Variants in TLE3 observed in about 807,000 individuals in gnomAD.
TLE3 encodes the protein transducin-like enhancer protein 3.
TLE3 carries 14 observed loss-of-function variants against 93.0 expected under a neutral mutation model. The ratio of observed to expected loss-of-function variants is 0.15; its 90% CI spans 0.10 to 0.24. The LOEUF (loss-of-function observed/expected upper bound fraction) is 0.24, where lower values mean the gene tolerates loss of function less well. Among genes scored for constraint, TLE3 ranks in the 10% least tolerant of loss-of-function variants. The pLI, the probability that TLE3 is intolerant of heterozygous loss-of-function variation, is 1.00. For missense variants in TLE3, 693 were observed against 1,046.6 expected (o/e 0.66, Z 4.66); for synonymous variants, 451 against 425.0 (o/e 1.06, Z -0.75).
At chr15:70,053,065 G>A in intron 17 of TLE3, 162 bp downstream of exon 17, 2 of 857,814 alleles carry the variant, frequency 2.3e-6, no homozygotes, top group Non-Finnish European at 3.5e-6. Context: ...CTGTTTCACT[G>A]CTGCTTCCTC....
At chr15:70,062,388 AG>A (rs1212217824) in intron 8 of TLE3, among the ~76,000 whole-genome samples, 1 of 151,898 alleles carries the variant, frequency 6.6e-6, no homozygotes, top group African/African-American at 2.4e-5. Context: ...CGGGCAGGGG[AG>A]GGGGCGTGCG....
rs747484342 is a variant in TLE3 at position 70,066,201 on chromosome 15, C to T, written c.390G>A (p.Ala130=). The T allele has an allele frequency of 3.9e-6, 6 of 1,534,858 alleles. No homozygotes were observed. The highest frequency in any genetic ancestry group is 2.3e-5 in the East Asian group (1 of 43,228). ...CGTGTGTGGCATGGGAGAGGTGCTG[C>T]GCCTGGAGCTGCTGCTGCTGCAATG... ...NAIIGQQQLQ[A]QHLSHATHGP... Residue 130 remains alanine, a synonymous_variant, in exon 7 of 20, where the codon GCG becomes GCA. Transcript: ENST00000451782.
intron 8 of TLE3, among the ~76,000 whole-genome samples, chr15:70,063,932 T>C (rs1005237252): frequency 2.6e-5 from 4 of 152,136 alleles, no homozygotes; most frequent in African/African-American, 7.2e-5. Context: ...GGAGGCATCC[T>C]AGCAGGGGGG....
intron 6 of TLE3, among the ~76,000 whole-genome samples, chr15:70,071,374 G>C (rs2057148910): frequency 6.6e-6 from 1 of 152,146 alleles, no homozygotes; most frequent in Non-Finnish European, 1.5e-5. Flanking sequence ...GAGTGGGTAG[G>C]CTTGGCTTGA....
chr15:70,097,115 C>G lies in TLE3; in HGVS notation c.-317G>C, dbSNP rs1174962640. The G allele has an allele frequency of 2.2e-6, 1 of 447,246 alleles. No homozygotes were observed. Among genetic ancestry groups the G allele is most frequent in the African/African-American group, 2.1e-5 (1 of 48,442 alleles). 27.7% of individuals were successfully genotyped at this position (447,246 alleles called of 1,614,324 possible). ...TGGGCTGCGTCGAGCGCGTCAATGCCTGGGACTGCGCGGACATCGTCGGCT... is the reference window on the plus strand; with the variant it reads ...TGGGCTGCGTCGAGCGCGTCAATGCGTGGGACTGCGCGGACATCGTCGGCT... On this transcript the variant is annotated 5_prime_UTR_variant, in exon 1 of 20. Transcript: ENST00000451782.
At chr15:70,094,784 T>G (rs927480973) in intron 3 of TLE3, 4 of 557,344 alleles carry the variant, frequency 7.2e-6, no homozygotes, top group African/African-American at 5.7e-5. Context: ...GAACGTTATA[T>G]TATGTGGTAG....
chr15:70,086,720 T>C (rs547218925), intron 4 of TLE3, among the ~76,000 whole-genome samples: 3 of 152,290 alleles, frequency 2.0e-5, no homozygotes, highest in East Asian at 1.9e-4. Flanking sequence ...AAAAGGCTCA[T>C]GAGATAAGGC....
In TLE3 at chr15:70,057,506, C is replaced by T. The variant is rs765743640; in HGVS notation, c.1204G>A (p.Ala402Thr). ...IPPQMSAAAA[A>T]AAAAYGRSPM... ...GATCGGCCATAGGCAGCGGCTGCAG[C>T]AGCGGCGGCGGCGCTCATCTGGGGT... Residue 402 changes from alanine to threonine, a missense_variant, in exon 13 of 20, where the codon GCT (alanine) becomes ACT (threonine). Physicochemically the swap from Ala to Thr is moderately conservative, Grantham distance 58. Around this residue, in one of 4 missense-constraint regions of TLE3, gnomAD observed 405 missense variants for 468.9 expected, o/e 0.86. Transcript: ENST00000451782. 3 of 1,608,496 alleles carry T rather than the reference C, an allele frequency of 1.9e-6. No homozygotes were observed. Among genetic ancestry groups the T allele is most frequent in the East Asian group, 2.2e-5 (1 of 44,646 alleles).
At chr15:70,059,716 C>G (rs1490486411) in intron 9 of TLE3, among the ~76,000 whole-genome samples, 1 of 152,240 alleles carries the variant, frequency 6.6e-6, no homozygotes, top group Non-Finnish European at 1.5e-5. Flanking sequence ...CACTGACACC[C>G]GCTCCATCAT....
intron 4 of TLE3, among the ~76,000 whole-genome samples, chr15:70,080,709 G>A (rs1170142737): frequency 6.6e-6 from 1 of 152,102 alleles, no homozygotes. Context: ...GTAAACCGAG[G>A]GTACTTGAGC....
At position 70,049,957 on chromosome 15, in the gene TLE3, A is replaced by G; in HGVS notation, c.*140T>C. On this transcript the variant is annotated 3_prime_UTR_variant, in exon 20 of 20. Coordinates refer to ENST00000451782, the MANE Select transcript of TLE3 (RefSeq NM_001105192.3). The stretch of plus-strand genomic sequence containing the variant: ...ACTGTGACGGGGCACGTGCCCTCTC[A>G]GCCGGCCGGAGCGCAGCCCTGAACG... 1.5e-6 allele frequency: 1 copy of G among 663,956 alleles called. No individual in the cohort carries two copies. The highest frequency in any genetic ancestry group is 2.6e-5 in the East Asian group (1 of 38,358). The allele number at this position is 663,956 out of a possible 1,614,324, so 41.1% of individuals were successfully genotyped here. A position where few individuals can be genotyped will look rare whatever the true frequency, so the allele number is the denominator to read the frequency against.
At position 70,057,507 on chromosome 15, in the gene TLE3, A is replaced by G. The variant is rs368976028; in HGVS notation, c.1203T>C (p.Ala401=). The G allele has an allele frequency of 9.6e-5, 155 of 1,608,546 alleles. No homozygotes were observed. The highest frequency in any genetic ancestry group is 6.9e-4 in the South Asian group (62 of 90,052). The change falls in exon 13 of 20, where the codon GCT becomes GCC. Residue 401 remains alanine, a synonymous_variant. Transcript: ENST00000451782. ...ATCGGCCATAGGCAGCGGCTGCAGCAGCGGCGGCGGCGCTCATCTGGGGTG... is the reference window on the plus strand; with the variant it reads ...ATCGGCCATAGGCAGCGGCTGCAGCGGCGGCGGCGGCGCTCATCTGGGGTG... The part of the protein sequence containing the change: ...NIPPQMSAAA[A]AAAAAYGRSP...
At chr15:70,065,973 A>ACCCCGGCCCCCCCCCCC in intron 7 of TLE3, 41 bp downstream of exon 7, 1 of 806,252 alleles carries the variant, frequency 1.2e-6, no homozygotes, top group Non-Finnish European at 2.1e-6. Context: ...GCCCATGCCC[A>ACCCCGGCCCCCCCCCCC]CCCCTGCCCC....
At chr15:70,085,282 A>C (rs2057991136) in intron 4 of TLE3, among the ~76,000 whole-genome samples, 2 of 152,252 alleles carry the variant, frequency 1.3e-5, no homozygotes, top group African/African-American at 4.8e-5. Context: ...CTCCAAAGCC[A>C]ACCTCTTAGC....
At chr15:70,077,515 T>G (rs946765230) in intron 4 of TLE3, among the ~76,000 whole-genome samples, 1 of 152,160 alleles carries the variant, frequency 6.6e-6, no homozygotes, top group African/African-American at 2.4e-5. Flanking sequence ...ACCCTGGACC[T>G]CGGGAGAATT....
intron 4 of TLE3, chr15:70,079,345 C>T: frequency 2.0e-6 from 1 of 499,456 alleles, no homozygotes; most frequent in Non-Finnish European, 4.1e-6. Flanking sequence ...TGGCACGTCA[C>T]CAGACAGGAC....
At chr15:70,059,571 A>G in intron 9 of TLE3, 111 bp from the exon 10 acceptor site, 1 of 1,018,648 alleles carries the variant, frequency 9.8e-7, no homozygotes, top group Non-Finnish European at 1.5e-6. Context: ...AGCCAGGCCA[A>G]ACCCCAAAGT....
intron 4 of TLE3, among the ~76,000 whole-genome samples, chr15:70,093,291 C>A (rs1003574048): frequency 1.5e-4 from 23 of 152,188 alleles, no homozygotes; most frequent in African/African-American, 5.3e-4. Flanking sequence ...TCACCCAACA[C>A]TGGGGGCTCC....
At chr15:70,072,434 T>C (rs1244332840) in intron 6 of TLE3, among the ~76,000 whole-genome samples, 1 of 152,074 alleles carries the variant, frequency 6.6e-6, no homozygotes, top group Non-Finnish European at 1.5e-5. Flanking sequence ...GGTGAGGAGC[T>C]GGAAGAGGAG....
Sources: gnomAD v4.1 joint callset for allele counts (sites outside exome capture counted in the v4.1 genomes callset) on GRCh38, gnomAD v4.1.1 for gene constraint, gnomAD v4.1.1 regional missense constraint, MANE v1.5 for transcripts, NCBI Gene and HGNC (gene_info 2026-07-23, HGNC 2026-07-21) for gene names.